Variants in RPS6KA2 observed in about 807,000 individuals in gnomAD.
RPS6KA2 encodes the protein ribosomal protein S6 kinase A2.
A neutral mutation model predicts 91.8 loss-of-function variants in RPS6KA2; 42 were observed. The observed-to-expected ratio is 0.46, with a 90% confidence interval of 0.36 to 0.59. The LOEUF is 0.59. RPS6KA2 is among the 20% of genes least tolerant of loss of function. The pLI is 0.00. For missense variants in RPS6KA2, 798 were observed against 978.5 expected (o/e 0.82, Z 2.46); for synonymous variants, 414 against 393.6 (o/e 1.05, Z -0.61).
At chr6:166,452,187 G>C (rs4710051) in intron 12 of RPS6KA2, among the ~76,000 whole-genome samples, 41,774 of 151,974 alleles carry the variant, frequency 0.27, 5,784 homozygotes, top group Middle Eastern at 0.36. Flanking sequence ...TTGTAGGAGG[G>C]AGCATAACTG....
At chr6:166,513,601 G>A (rs561649730) in intron 3 of RPS6KA2, among the ~76,000 whole-genome samples, 18 of 152,296 alleles carry the variant, frequency 1.2e-4, no homozygotes, top group South Asian at 4.1e-4. Flanking sequence ...AAGGCCTGGC[G>A]TACGTCCCAG....
At chr6:166,550,837 C>T (rs1009674525) in intron 1 of RPS6KA2, among the ~76,000 whole-genome samples, 9 of 151,674 alleles carry the variant, frequency 5.9e-5, no homozygotes, top group South Asian at 2.1e-4. Flanking sequence ...CCCGTCTCTA[C>T]TAAAATACAA....
intron 2 of RPS6KA2, among the ~76,000 whole-genome samples, chr6:166,720,969 G>A (rs1348898561): frequency 1.3e-5 from 2 of 152,192 alleles, no homozygotes; most frequent in Non-Finnish European, 2.9e-5. Flanking sequence ...ACACTAAAGG[G>A]TGATTTCACA....
At chr6:166,593,651 G>C (rs1051432382) in intron 1 of RPS6KA2, among the ~76,000 whole-genome samples, 5 of 149,946 alleles carry the variant, frequency 3.3e-5, no homozygotes, top group Non-Finnish European at 7.4e-5. Context: ...ACACAAACTG[G>C]TTTTCGGAAA....
intron 1 of RPS6KA2, among the ~76,000 whole-genome samples, chr6:166,549,131 T>C (rs1583268961): frequency 6.6e-6 from 1 of 152,314 alleles, no homozygotes; most frequent in East Asian, 1.9e-4. Flanking sequence ...TATCAGTACA[T>C]ACCCATCAGA....
At chr6:166,707,295 A>G (rs1789709679) in intron 2 of RPS6KA2, among the ~76,000 whole-genome samples, 1 of 152,262 alleles carries the variant, frequency 6.6e-6, no homozygotes, top group African/African-American at 2.4e-5. Flanking sequence ...GTTAGAGCAC[A>G]GTTCCGTCTC....
At chr6:166,481,173 G>C (rs1472258180) in intron 10 of RPS6KA2, among the ~76,000 whole-genome samples, 1 of 152,216 alleles carries the variant, frequency 6.6e-6, no homozygotes, top group Non-Finnish European at 1.5e-5. Flanking sequence ...TGAATTAAAA[G>C]ATAGTTCATT....
intron 2 of RPS6KA2, among the ~76,000 whole-genome samples, chr6:166,772,173 C>T (rs551708922): frequency 2.0e-5 from 3 of 148,372 alleles, no homozygotes; most frequent in Admixed American, 6.6e-5. Flanking sequence ...AGCAGCCCTT[C>T]TCCCCTCCTG....
chr6:166,547,357 A>G (rs965580861), intron 1 of RPS6KA2, among the ~76,000 whole-genome samples: 3 of 152,242 alleles, frequency 2.0e-5, no homozygotes, highest in South Asian at 4.1e-4. Context: ...ATCCATGGCA[A>G]TCAGTATCAC....
At chr6:166,438,612 A>T (rs1779419732) in intron 14 of RPS6KA2, among the ~76,000 whole-genome samples, 1 of 152,220 alleles carries the variant, frequency 6.6e-6, no homozygotes, top group Admixed American at 6.5e-5. Context: ...AGCCCCACTG[A>T]GCTTGTGCGG....
intron 2 of RPS6KA2, among the ~76,000 whole-genome samples, chr6:166,725,833 G>C (rs566981288): frequency 1.3e-5 from 2 of 152,214 alleles, no homozygotes; most frequent in Non-Finnish European, 2.9e-5. Context: ...GGCTCCTGGC[G>C]GCGCAGGCCC....
At chr6:166,426,159 C>T (rs1778910144) in intron 16 of RPS6KA2, among the ~76,000 whole-genome samples, 1 of 152,004 alleles carries the variant, frequency 6.6e-6, no homozygotes, top group Non-Finnish European at 1.5e-5. Flanking sequence ...CACTCAAAAC[C>T]TCTCAACTAC....
chr6:166,411,169 CAGACCA>C lies in RPS6KA2; in HGVS notation c.*1587_*1592del, dbSNP rs1249712320. On this transcript the variant is annotated 3_prime_UTR_variant, in exon 21 of 21. Coordinates refer to ENST00000265678, the MANE Select transcript of RPS6KA2 (RefSeq NM_021135.6). The surrounding 1 kb of genome is among the most constrained non-coding windows in gnomAD (Gnocchi z 4.5). ...TTATATTTTAAGGTCTGAAAACAAT[CAGACCA>C]AGCTAAGGAGTTATTTTTCAGAACG... The C allele has an allele frequency of 2.0e-5, 3 of 151,638 alleles. No homozygotes were observed. Among genetic ancestry groups the C allele is most frequent in the Non-Finnish European group, 4.4e-5 (3 of 67,936 alleles). 9.4% of individuals were successfully genotyped at this position (151,638 alleles called of 1,614,324 possible). A position where few individuals can be genotyped will look rare whatever the true frequency, so the allele number is the denominator to read the frequency against.
rs1412226067 is a variant in RPS6KA2 at position 166,563,677 on chromosome 6, T to G, written c.100-24893A>C. Reference sequence around the variant, plus strand: ...TGGGCAAGGTATCTGCTTAAAGACATTGATGGATTTTATGAAGAAAATATT... The same window carrying G: ...TGGGCAAGGTATCTGCTTAAAGACAGTGATGGATTTTATGAAGAAAATATT... On this transcript the variant is annotated intron_variant, in intron 1 of 20. Transcript: ENST00000265678. This position sits in a 1 kb window ranked among gnomAD's most constrained non-coding sequence, Gnocchi z 4.1. 6.6e-6 allele frequency among the ~76,000 whole-genome samples: 1 copy of G among 150,834 alleles called. No individual in the cohort carries two copies. Among genetic ancestry groups the G allele is most frequent in the East Asian group, 2.0e-4 (1 of 4,968 alleles).
At chr6:166,755,017 C>G (rs1160912933) in intron 2 of RPS6KA2, among the ~76,000 whole-genome samples, 1 of 152,202 alleles carries the variant, frequency 6.6e-6, no homozygotes, top group African/African-American at 2.4e-5. Flanking sequence ...CTTCCAGATT[C>G]CACGAGCCCC....
chr6:166,451,111 T>C lies in RPS6KA2; in HGVS notation c.1198A>G (p.Ile400Val), dbSNP rs771278598. ...CAGGCAAACACAGTTACCTGCACGA[T>C]TGGGTGAACTGGGACTTTGTGCAGA... ...QDLHKVPVHP[I>V]VQQLHGNNIH... Residue 400 changes from isoleucine to valine, a missense_variant, in exon 13 of 21, where the codon ATC becomes GTC. Ile to Val is a conservative substitution (Grantham distance 29). Transcript: ENST00000265678. 1.4e-5 allele frequency: 23 copies of C among 1,613,984 alleles called. No individual in the cohort carries two copies. The highest frequency in any genetic ancestry group is 1.3e-4 in the South Asian group (12 of 91,068).
In RPS6KA2 at chr6:166,786,786, A is replaced by C. The variant is rs16899454; in HGVS notation, c.123+71414T>G. The stretch of plus-strand genomic sequence containing the variant: ...TAATTGTGTAATTTAGTGCTCAAAA[A>C]TAGTTTAGTTCAGGTGTTTTATGCT... On this transcript the variant is annotated intron_variant, in intron 2 of 21. Coordinates refer to the RPS6KA2 transcript ENST00000503859. Among the ~76,000 whole-genome samples the C allele has an allele frequency of 0.032, 4,902 of 152,300 alleles. 501 individuals are homozygous for C. In the East Asian group the frequency reaches 0.38, roughly 12 times the overall value.
rs150627257 is a variant in RPS6KA2 at position 166,699,225 on chromosome 6, C to T, written c.123+158975G>A. On this transcript the variant is annotated intron_variant, in intron 2 of 21. Coordinates refer to the RPS6KA2 transcript ENST00000503859. ...AAACTACCTGAAGAGGAAGGATGACCTGGCACTCAGGTCTCAGGGGCAAAG... is the reference window on the plus strand; with the variant it reads ...AAACTACCTGAAGAGGAAGGATGACTTGGCACTCAGGTCTCAGGGGCAAAG... Among the ~76,000 whole-genome samples the T allele has an allele frequency of 3.7e-3, 569 of 152,214 alleles. 7 individuals carry two copies. The highest frequency in any genetic ancestry group is 0.013 in the African/African-American group (549 of 41,522).
chr6:166,723,578 G>A (rs78780124), intron 2 of RPS6KA2, among the ~76,000 whole-genome samples: 3,692 of 152,282 alleles, frequency 0.024, 83 homozygotes, highest in Non-Finnish European at 0.037. Flanking sequence ...AAACAGAAGC[G>A]AGGGCACTGT....
Sources: gnomAD v4.1 joint callset for allele counts (sites outside exome capture counted in the v4.1 genomes callset) on GRCh38, gnomAD v4.1.1 for gene constraint, Gnocchi (gnomAD v3.1) non-coding constraint, MANE v1.5 for transcripts, NCBI Gene and HGNC (gene_info 2026-07-23, HGNC 2026-07-21) for gene names.